The following FBXW7 variants were observed in gnomAD, a reference collection of about 807,000 sequenced individuals.
The protein encoded by FBXW7 is F-box/WD repeat-containing protein 7.
FBXW7 carries 11 observed loss-of-function variants against 86.3 expected under a neutral mutation model. The ratio of observed to expected loss-of-function variants is 0.13; its 90% CI spans 0.08 to 0.21. The LOEUF (loss-of-function observed/expected upper bound fraction) is 0.21. FBXW7 is among the 10% of genes least tolerant of loss of function. FBXW7 has a pLI of 1.00. For missense variants in FBXW7, 488 were observed against 847.4 expected (o/e 0.58, Z 5.27); for synonymous variants, 313 against 297.9 (o/e 1.05, Z -0.52).
intron 2 of FBXW7, among the ~76,000 whole-genome samples, chr4:152,465,494 G>A (rs1349803524): frequency 6.6e-6 from 1 of 151,956 alleles, no homozygotes; most frequent in African/African-American, 2.4e-5. Flanking sequence ...CTTTTCCATT[G>A]CTAAATTTCC....
intron 2 of FBXW7, among the ~76,000 whole-genome samples, chr4:152,500,570 G>A (rs1013035836): frequency 6.6e-6 from 1 of 151,048 alleles, no homozygotes; most frequent in Non-Finnish European, 1.5e-5. Context: ...GACTGCAAAG[G>A]TGCAGCATGA....
At chr4:152,372,198 G>A (rs1734062607) in intron 4 of FBXW7, among the ~76,000 whole-genome samples, 1 of 151,776 alleles carries the variant, frequency 6.6e-6, no homozygotes, top group Non-Finnish European at 1.5e-5. Flanking sequence ...TAAACTTTAG[G>A]TACTCATCTA....
chr4:152,324,710 C>T (rs1045536719), intron 12 of FBXW7: 7 of 288,914 alleles, frequency 2.4e-5, no homozygotes, highest in Non-Finnish European at 4.6e-5. Context: ...TCTGGCCCCA[C>T]CTAGCTATAT....
At chr4:152,369,989 T>G (rs565528791) in intron 4 of FBXW7, among the ~76,000 whole-genome samples, 1 of 152,120 alleles carries the variant, frequency 6.6e-6, no homozygotes, top group East Asian at 1.9e-4. Context: ...ATAGTTATGT[T>G]ATCTTAGAGA....
chr4:152,372,006 G>A (rs1358713310), intron 4 of FBXW7, among the ~76,000 whole-genome samples: 1 of 151,808 alleles, frequency 6.6e-6, no homozygotes, highest in Admixed American at 6.6e-5. Flanking sequence ...AATTAATTTT[G>A]TGGTGTTAAT....
chr4:152,482,668 T>C (rs1296981759), intron 2 of FBXW7, among the ~76,000 whole-genome samples: 1 of 152,228 alleles, frequency 6.6e-6, no homozygotes, highest in African/African-American at 2.4e-5. Flanking sequence ...ATGCTTCTTA[T>C]ATTTTCTGGT....
At chr4:152,523,179 A>G (rs1220861311) in intron 2 of FBXW7, among the ~76,000 whole-genome samples, 1 of 152,128 alleles carries the variant, frequency 6.6e-6, no homozygotes, top group African/African-American at 2.4e-5. Context: ...CCTTTCACAC[A>G]TTATCTCTTT....
intron 2 of FBXW7, among the ~76,000 whole-genome samples, chr4:152,469,788 G>A (rs1363428723): frequency 6.6e-6 from 1 of 152,036 alleles, no homozygotes; most frequent in African/African-American, 2.4e-5. Flanking sequence ...GATTGGAATA[G>A]GTTTAAGGAG....
At chr4:152,478,599 A>G (rs1010629925) in intron 2 of FBXW7, among the ~76,000 whole-genome samples, 11 of 152,076 alleles carry the variant, frequency 7.2e-5, no homozygotes, top group Non-Finnish European at 1.5e-4. Flanking sequence ...AAATTGTTGG[A>G]TGATACAATC....
intron 4 of FBXW7, among the ~76,000 whole-genome samples, chr4:152,399,500 TAA>T (rs1447577052): frequency 1.3e-5 from 2 of 151,964 alleles, no homozygotes; most frequent in Non-Finnish European, 2.9e-5. Flanking sequence ...AAGTAAAAGA[TAA>T]AGAGATTAAG....
At position 152,535,792 on chromosome 4, in the gene FBXW7, C is replaced by T; in HGVS notation, c.-878G>A. The T allele has an allele frequency of 2.5e-6, 1 of 393,494 alleles. No homozygotes were observed. Among genetic ancestry groups the T allele is most frequent in the Non-Finnish European group, 4.5e-6 (1 of 222,774 alleles). The allele number at this position is 393,494 out of a possible 1,614,324, so 24.4% of individuals were successfully genotyped here. On this transcript the variant is annotated 5_prime_UTR_variant, in exon 1 of 14. Coordinates refer to ENST00000281708, the MANE Select transcript of FBXW7 (RefSeq NM_001349798.2). ...CCGGCCCGTGGTAGCCGCCTCCCTG[C>T]CCCCCAAGCCGCCGGCTCCGGCTCA...
intron 2 of FBXW7, among the ~76,000 whole-genome samples, chr4:152,443,511 C>T (rs965696397): frequency 6.6e-6 from 1 of 152,220 alleles, no homozygotes; most frequent in Non-Finnish European, 1.5e-5. Flanking sequence ...AAAATCAAAA[C>T]CACACAGCCT....
intron 7 of FBXW7, among the ~76,000 whole-genome samples, chr4:152,334,007 T>C (rs1482432897): frequency 6.6e-6 from 1 of 152,018 alleles, no homozygotes; most frequent in African/African-American, 2.4e-5. Context: ...TGAGCCAAGA[T>C]CACGTCGTTG....
chr4:152,507,691 G>A (rs1312923194), intron 2 of FBXW7, among the ~76,000 whole-genome samples: 1 of 152,124 alleles, frequency 6.6e-6, no homozygotes, highest in Admixed American at 6.5e-5. Flanking sequence ...TTGGTGAAAT[G>A]GCTGATTTCA....
At position 152,380,170 on chromosome 4, in the gene FBXW7, T is replaced by C. The variant is rs767235046; in HGVS notation, c.502-30046A>G. On this transcript the variant is annotated intron_variant, in intron 4 of 13. Coordinates refer to ENST00000281708, the MANE Select transcript of FBXW7 (RefSeq NM_001349798.2). ...TTTGTTGTCAAGGTGTATAGCAATC[T>C]GCTTGAAAGAAAGTAAAAATACCCG... is the stretch of plus-strand genomic sequence containing the variant. Among the ~76,000 whole-genome samples, 135 of 152,228 alleles carry C rather than the reference T, an allele frequency of 8.9e-4. 1 individual carries two copies. The highest frequency in any genetic ancestry group is 5.4e-4 in the Non-Finnish European group (37 of 67,980).
chr4:152,352,426 T>A (rs376046324), intron 4 of FBXW7: 2 of 1,611,224 alleles, frequency 1.2e-6, no homozygotes, highest in Non-Finnish European at 1.7e-6. Context: ...CAGGCAGGCA[T>A]ACACACACAA....
chr4:152,328,203 C>T lies in FBXW7; in HGVS notation c.1418+5G>A. ...AGTCCCAACCATGACAAGATTTTCCCTTACCTTTTTTCATGAAGATGCATA... is the reference window on the plus strand; with the variant it reads ...AGTCCCAACCATGACAAGATTTTCCTTTACCTTTTTTCATGAAGATGCATA... On this transcript the variant is annotated splice_donor_5th_base_variant and intron_variant, in intron 11 of 13. Transcript: ENST00000281708. The T allele has an allele frequency of 6.3e-7, 1 of 1,581,916 alleles. No individual in the cohort carries two copies. The highest frequency in any genetic ancestry group is 8.6e-7 in the Non-Finnish European group (1 of 1,167,020).
At chr4:152,450,288 G>T (rs772726288) in intron 2 of FBXW7, among the ~76,000 whole-genome samples, 1 of 152,204 alleles carries the variant, frequency 6.6e-6, no homozygotes, top group African/African-American at 2.4e-5. Context: ...TGGAGGTACT[G>T]TCTGCTGCAC....
chr4:152,529,181 T>C lies in FBXW7; in HGVS notation c.-120+5760A>G, dbSNP rs148088660. Among the ~76,000 whole-genome samples the C allele has an allele frequency of 3.9e-5, 6 of 152,286 alleles. No homozygotes were observed. The East Asian group carries it at 1.2e-3, about 29-fold the overall frequency. On this transcript the variant is annotated intron_variant, in intron 2 of 13. Coordinates refer to ENST00000281708, the MANE Select transcript of FBXW7 (RefSeq NM_001349798.2). ...TAGAAGATGCACACCTTGTGTCTTT[T>C]AAATTGCCACTCATCCTTAGGCTTG... is the stretch of plus-strand genomic sequence containing the variant.
Sources: gnomAD v4.1 joint callset for allele counts (sites outside exome capture counted in the v4.1 genomes callset) on GRCh38, gnomAD v4.1.1 for gene constraint, MANE v1.5 for transcripts, NCBI Gene and HGNC (gene_info 2026-07-23, HGNC 2026-07-21) for gene names.